SMIM13: variants seen among roughly 807,000 people sequenced by gnomAD.
The protein encoded by SMIM13 is small integral membrane protein 13.
Under a neutral mutation model 5.9 loss-of-function variants are expected in SMIM13, and 3 were observed. The observed-to-expected ratio is 0.51, with a 90% confidence interval of 0.23 to 1.31. The LOEUF is 1.31. Among genes scored for constraint, SMIM13 ranks in the 40% most tolerant of loss-of-function variants. The pLI is 0.18. For missense variants in SMIM13, 85 were observed against 109.9 expected, an observed-to-expected ratio of 0.77 and a Z score of 1.01; for synonymous variants, 55 against 46.0, an observed-to-expected ratio of 1.19 and a Z score of -0.79.
chr6:11,134,743 A>G lies in SMIM13; in HGVS notation c.*141A>G. ...AAAAAGATTTACATGTAAGCCATAT[A>G]AAAATAAAGGGAACTGAAACCAAAT... On this transcript the variant is annotated 3_prime_UTR_variant, in exon 2 of 2. Transcript: ENST00000416247. 1.5e-6 allele frequency: 1 copy of G among 657,074 alleles called. No individual in the cohort carries two copies. Among genetic ancestry groups the G allele is most frequent in the East Asian group, 3.1e-5 (1 of 32,090 alleles). The allele number at this position is 657,074 out of a possible 1,614,324, so 40.7% of individuals were successfully genotyped here. A position where few individuals can be genotyped will look rare whatever the true frequency, so the allele number is the denominator to read the frequency against.
chr6:11,122,239 A>G (rs1462398524), intron 1 of SMIM13, among the ~76,000 whole-genome samples: 1 of 152,248 alleles, frequency 6.6e-6, no homozygotes, highest in Non-Finnish European at 1.5e-5. Context: ...TGTGTTTTCT[A>G]AAAACTCCTC....
At chr6:11,131,543 A>T (rs1758450049) in intron 1 of SMIM13, among the ~76,000 whole-genome samples, 1 of 152,186 alleles carries the variant, frequency 6.6e-6, no homozygotes. Flanking sequence ...AAGCTACTGT[A>T]ACCAACATGG....
At chr6:11,131,669 T>C (rs1758451310) in intron 1 of SMIM13, among the ~76,000 whole-genome samples, 1 of 152,146 alleles carries the variant, frequency 6.6e-6, no homozygotes, top group Non-Finnish European at 1.5e-5. Context: ...CAAGATAATA[T>C]AATAGTGGGG....
intron 1 of SMIM13, among the ~76,000 whole-genome samples, chr6:11,119,076 G>A (rs190425229): frequency 7.2e-5 from 11 of 152,306 alleles, no homozygotes; most frequent in African/African-American, 2.6e-4. Flanking sequence ...TGTAGAGAAG[G>A]AAACAGATGT....
At chr6:11,094,891 A>G (rs1674040079) in intron 1 of SMIM13, among the ~76,000 whole-genome samples, 1 of 152,182 alleles carries the variant, frequency 6.6e-6, no homozygotes, top group African/African-American at 2.4e-5. Context: ...GAGACCAGGC[A>G]GAGCTTAGAA....
In SMIM13 at chr6:11,118,433, A is replaced by C. The variant is rs146659261; in HGVS notation, c.77-15970A>C. 5.9e-3 allele frequency among the ~76,000 whole-genome samples: 895 copies of C among 152,346 alleles called. 3 individuals carry two copies. The highest frequency in any genetic ancestry group is 0.024 in the South Asian group (115 of 4,826). On this transcript the variant is annotated intron_variant, in intron 1 of 1. Coordinates refer to ENST00000416247, the MANE Select transcript of SMIM13 (RefSeq NM_001135575.2). ...ATAGTTTTGGGAGTGGGGTTGGGAC[A>C]GGGAGAATAATAGTTGATTTGTTTT...
chr6:11,102,361 T>G (rs1758006030), intron 1 of SMIM13: 1 of 152,246 alleles, frequency 6.6e-6, no homozygotes, highest in African/African-American at 2.4e-5. Context: ...AATGTACACC[T>G]TTCAAAGATA....
intron 1 of SMIM13, among the ~76,000 whole-genome samples, chr6:11,121,185 C>G (rs1339347955): frequency 1.3e-5 from 2 of 152,140 alleles, no homozygotes; most frequent in Non-Finnish European, 2.9e-5. Context: ...ACTGCAAAAC[C>G]CATCTTAACA....
At chr6:11,124,745 G>A (rs1042861589) in intron 1 of SMIM13, among the ~76,000 whole-genome samples, 1 of 152,046 alleles carries the variant, frequency 6.6e-6, no homozygotes, top group Admixed American at 6.6e-5. Context: ...TTGTAGTTTC[G>A]TTTTGCATTT....
intron 1 of SMIM13, among the ~76,000 whole-genome samples, chr6:11,133,735 CTTG>C (rs540137165): frequency 9.6e-4 from 137 of 142,768 alleles, no homozygotes; most frequent in African/African-American, 3.5e-3. Context: ...AAAAACAAAA[CTTG>C]TTTTTTTTTT....
rs777639545 is a variant in SMIM13, at chr6:11,104,944, C to T, written c.76+10555C>T. ...CTTTTGGCCATAACACAAATAGGGG[C>T]TATTCCCATTAGGTTGATATTAGTA... On this transcript the variant is annotated intron_variant, in intron 1 of 1. Coordinates refer to ENST00000416247, the MANE Select transcript of SMIM13 (RefSeq NM_001135575.2). The T allele has an allele frequency of 1.9e-6, 3 of 1,614,170 alleles. No individual in the cohort carries two copies. In the Admixed American group the frequency reaches 5.0e-5, roughly 27 times the overall value.
intron 1 of SMIM13, chr6:11,103,585 C>T: frequency 7.0e-7 from 1 of 1,433,228 alleles, no homozygotes. Flanking sequence ...GCTGTCAGGG[C>T]AGGATGGCTC....
chr6:11,130,167 A>G lies in SMIM13; in HGVS notation c.77-4236A>G, dbSNP rs73449678. On this transcript the variant is annotated intron_variant, in intron 1 of 1. Coordinates refer to ENST00000416247, the MANE Select transcript of SMIM13 (RefSeq NM_001135575.2). Reference sequence around the variant, plus strand: ...AGGACAACTTGTTGAACTTTCCTCAATTTAGTGAATTTACTGCAATTCTTA... The same window carrying G: ...AGGACAACTTGTTGAACTTTCCTCAGTTTAGTGAATTTACTGCAATTCTTA... Among the ~76,000 whole-genome samples the G allele has an allele frequency of 7.1e-3, 1,083 of 151,598 alleles. 13 individuals are homozygous for G. The highest frequency in any genetic ancestry group is 0.025 in the African/African-American group (1,045 of 41,300).
intron 1 of SMIM13, among the ~76,000 whole-genome samples, chr6:11,110,418 A>G (rs753326878): frequency 4.6e-5 from 7 of 152,220 alleles, no homozygotes; most frequent in Non-Finnish European, 1.0e-4. Context: ...TAGCAACAGA[A>G]TGATTATCTC....
intron 1 of SMIM13, among the ~76,000 whole-genome samples, chr6:11,129,423 C>T (rs1324785806): frequency 6.6e-6 from 1 of 152,230 alleles, no homozygotes; most frequent in African/African-American, 2.4e-5. Flanking sequence ...TTTATCCATT[C>T]ATCCATTGCT....
intron 1 of SMIM13, among the ~76,000 whole-genome samples, chr6:11,105,906 G>A (rs1758076591): frequency 6.6e-6 from 1 of 152,192 alleles, no homozygotes; most frequent in Non-Finnish European, 1.5e-5. Context: ...ATAAAGCCTT[G>A]AAGGGGCTTA....
At chr6:11,132,633 C>T (rs1039687286) in intron 1 of SMIM13, among the ~76,000 whole-genome samples, 1 of 152,130 alleles carries the variant, frequency 6.6e-6, no homozygotes, top group African/African-American at 2.4e-5. Flanking sequence ...ACAATGGACA[C>T]ACCTTGGAAA....
intron 1 of SMIM13, among the ~76,000 whole-genome samples, chr6:11,124,999 C>T (rs1037056894): frequency 2.6e-5 from 4 of 152,132 alleles, no homozygotes; most frequent in South Asian, 2.1e-4. Flanking sequence ...ATGCCATGGC[C>T]GGGCGTGGTG....
intron 1 of SMIM13, among the ~76,000 whole-genome samples, chr6:11,125,167 A>G (rs190534835): frequency 1.9e-4 from 29 of 151,688 alleles, no homozygotes; most frequent in Non-Finnish European, 3.8e-4. Context: ...AAGGCCAGCT[A>G]CTTCGGAGGC....
Sources: gnomAD v4.1 joint callset for allele counts (sites outside exome capture counted in the v4.1 genomes callset) on GRCh38, gnomAD v4.1.1 for gene constraint, MANE v1.5 for transcripts, NCBI Gene and HGNC (gene_info 2026-07-23, HGNC 2026-07-21) for gene names.